Variants in FAR2 observed in about 807,000 individuals in gnomAD.
The protein encoded by FAR2 is epididymis secretory protein Li 81.
In FAR2, 19 loss-of-function variants were observed where a neutral mutation model predicts 56.0. The observed-to-expected ratio is 0.34, with a 90% CI of 0.24 to 0.50. FAR2 has a LOEUF of 0.50. FAR2 is among the 20% of genes least tolerant of loss of function. FAR2 has a pLI of 0.98. For synonymous variants in FAR2, 219 were observed against 218.8 expected (o/e 1.00, Z -0.01); for missense variants, 508 against 642.2 (o/e 0.79, Z 2.26).
intron 9 of FAR2, among the ~76,000 whole-genome samples, chr12:29,318,528 G>A (rs1462209599): frequency 6.6e-6 from 1 of 152,174 alleles, no homozygotes; most frequent in Non-Finnish European, 1.5e-5. Context: ...AAATGGGTTG[G>A]TTTGTTGTGT....
At chr12:29,309,818 G>T in intron 6 of FAR2, 1 of 152,628 alleles carries the variant, frequency 6.6e-6, no homozygotes, top group Non-Finnish European at 1.5e-5. Context: ...GTGCGCATCT[G>T]CCCGAAGTCC....
intron 2 of FAR2, among the ~76,000 whole-genome samples, chr12:29,273,437 T>C (rs541668175): frequency 6.6e-6 from 1 of 152,098 alleles, no homozygotes; most frequent in Admixed American, 6.5e-5. Context: ...ACTGCCACAG[T>C]GTGTGTGTGG....
At chr12:29,315,538 G>T (rs1447038587) in intron 8 of FAR2, among the ~76,000 whole-genome samples, 1 of 152,156 alleles carries the variant, frequency 6.6e-6, no homozygotes, top group Non-Finnish European at 1.5e-5. Context: ...AGGAGTACAA[G>T]GGTAGTGGCA....
At chr12:29,241,275 CCACTT>C (rs1465586970) in intron 1 of FAR2, among the ~76,000 whole-genome samples, 1 of 152,120 alleles carries the variant, frequency 6.6e-6, no homozygotes, top group African/African-American at 2.4e-5. Flanking sequence ...ATACATGTCT[CCACTT>C]CATCTTTTTT....
chr12:29,234,705 T>C (rs1035262639), intron 1 of FAR2, among the ~76,000 whole-genome samples: 1 of 152,150 alleles, frequency 6.6e-6, no homozygotes, highest in Non-Finnish European at 1.5e-5. Context: ...AGCTCATGAT[T>C]ACAGCTATTA....
chr12:29,258,548 G>T (rs1048935269), intron 1 of FAR2, among the ~76,000 whole-genome samples: 2 of 152,074 alleles, frequency 1.3e-5, no homozygotes, highest in Admixed American at 6.5e-5. Context: ...AAATAGCAAT[G>T]ACTTTGTTTG....
At chr12:29,277,799 A>G (rs1948723885) in intron 2 of FAR2, 1 of 152,248 alleles carries the variant, frequency 6.6e-6, no homozygotes, top group Non-Finnish European at 1.5e-5. Flanking sequence ...AAAAATTTAT[A>G]GAAGTATAAT....
chr12:29,289,041 A>G (rs1372656837), intron 2 of FAR2, among the ~76,000 whole-genome samples: 1 of 152,184 alleles, frequency 6.6e-6, no homozygotes, highest in East Asian at 1.9e-4. Flanking sequence ...ATTGAAGAGG[A>G]CACCAAAAAC....
At chr12:29,293,904 C>G (rs997783107) in intron 3 of FAR2, among the ~76,000 whole-genome samples, 2 of 152,128 alleles carry the variant, frequency 1.3e-5, no homozygotes, top group African/African-American at 4.8e-5. Flanking sequence ...CTATTAACAA[C>G]ACTGCAATGA....
chr12:29,151,019 T>C (rs963065351), intron 1 of FAR2, among the ~76,000 whole-genome samples: 2 of 152,132 alleles, frequency 1.3e-5, no homozygotes, highest in African/African-American at 4.8e-5. Context: ...TATATTAGGG[T>C]ATCACTTTGG....
At chr12:29,271,841 A>G (rs538992912) in intron 2 of FAR2, among the ~76,000 whole-genome samples, 1 of 152,148 alleles carries the variant, frequency 6.6e-6, no homozygotes, top group African/African-American at 2.4e-5. Context: ...AGTAAGAACC[A>G]TTACTATTCT....
At chr12:29,152,866 C>T (rs10843330) in intron 1 of FAR2, among the ~76,000 whole-genome samples, 1 of 151,928 alleles carries the variant, frequency 6.6e-6, no homozygotes, top group Admixed American at 6.6e-5. Context: ...GAGGAAAGGC[C>T]CTTAGAGATA....
intron 9 of FAR2, among the ~76,000 whole-genome samples, chr12:29,320,951 C>A (rs1949540989): frequency 6.6e-6 from 1 of 152,086 alleles, no homozygotes. Context: ...GACTTTGACA[C>A]TTTTTATCTT....
intron 2 of FAR2, 181 bp from the exon 3 acceptor site, chr12:29,293,119 G>T: frequency 4.6e-6 from 2 of 439,410 alleles, no homozygotes; most frequent in Non-Finnish European, 7.9e-6. Flanking sequence ...TCCCTGCTTT[G>T]GCTTCCCAAA....
intron 1 of FAR2, among the ~76,000 whole-genome samples, chr12:29,258,333 T>C (rs536277169): frequency 1.3e-5 from 2 of 152,086 alleles, no homozygotes; most frequent in Non-Finnish European, 1.5e-5. Flanking sequence ...CCAGTCTGGG[T>C]GACAGAGCGA....
intron 10 of FAR2, among the ~76,000 whole-genome samples, chr12:29,323,968 G>A (rs7316490): frequency 0.032 from 4,816 of 152,042 alleles, 101 homozygotes; most frequent in South Asian, 0.07. Flanking sequence ...GAGGAAGTTC[G>A]AACCAATGGC....
At chr12:29,273,020 C>T (rs1948644585) in intron 2 of FAR2, among the ~76,000 whole-genome samples, 1 of 152,170 alleles carries the variant, frequency 6.6e-6, no homozygotes, top group Admixed American at 6.5e-5. Flanking sequence ...CCTGCTCCTT[C>T]TCCTGGGACC....
At chr12:29,321,727 C>G in intron 9 of FAR2, 68 bp from the exon 10 acceptor site, 1 of 1,505,144 alleles carries the variant, frequency 6.6e-7, no homozygotes, top group South Asian at 1.3e-5. Context: ...AATAATTTCT[C>G]ATACATCCCT....
intron 1 of FAR2, among the ~76,000 whole-genome samples, chr12:29,258,348 C>A (rs1948362282): frequency 6.6e-6 from 1 of 151,930 alleles, no homozygotes; most frequent in Non-Finnish European, 1.5e-5. Context: ...GAGCGAGACT[C>A]CATCTCAAAA....
Sources: allele counts gnomAD v4.1 joint callset (sites outside exome capture counted in the v4.1 genomes callset), GRCh38; gene constraint gnomAD v4.1.1; transcripts MANE v1.5; gene names NCBI Gene and HGNC (gene_info 2026-07-23, HGNC 2026-07-21).